PPIL1: variants seen among roughly 807,000 people sequenced by gnomAD.
PPIL1 encodes peptidyl-prolyl cis-trans isomerase-like 1.
Under a neutral mutation model 19.4 loss-of-function variants are expected in PPIL1, and 14 were observed. The ratio of observed to expected loss-of-function variants is 0.72; its 90% CI spans 0.48 to 1.13. The LOEUF is 1.13. PPIL1 is among the 50% of genes most tolerant of loss of function. The probability of loss-of-function intolerance (pLI) is 0.00; values close to 1 mark genes in which losing one functional copy is unlikely to be tolerated. For synonymous variants in PPIL1, 72 were observed against 73.6 expected (o/e 0.98, Z 0.11); for missense variants, 192 against 218.0 (o/e 0.88, Z 0.75).
At chr6:36,856,454 C>T in intron 3 of PPIL1, 132 bp downstream of exon 3, 1 of 810,060 alleles carries the variant, frequency 1.2e-6, no homozygotes, top group Non-Finnish European at 2.0e-6. Flanking sequence ...CACCAGGGCA[C>T]TTCATGGCGC....
intron 2 of PPIL1, among the ~76,000 whole-genome samples, chr6:36,860,069 C>T (rs1583108027): frequency 6.6e-6 from 1 of 152,122 alleles, no homozygotes; most frequent in African/African-American, 2.4e-5. Context: ...TCATGATCTG[C>T]CAGGCTCGGC....
chr6:36,869,828 C>A (rs918467987), intron 2 of PPIL1, among the ~76,000 whole-genome samples: 2 of 152,104 alleles, frequency 1.3e-5, no homozygotes, highest in African/African-American at 4.8e-5. Flanking sequence ...ATATTCTGTT[C>A]TATATATATG....
At chr6:36,863,378 C>T (rs796905315) in intron 2 of PPIL1, among the ~76,000 whole-genome samples, 3 of 152,172 alleles carry the variant, frequency 2.0e-5, no homozygotes, top group African/African-American at 7.2e-5. Context: ...TCCCTTCCTA[C>T]ACCTCTACCC....
chr6:36,859,394 C>T (rs1425198817), intron 2 of PPIL1, among the ~76,000 whole-genome samples: 2 of 133,552 alleles, frequency 1.5e-5, no homozygotes, highest in African/African-American at 2.8e-5. Context: ...CACTGCACTG[C>T]AGCCCAGGCA....
chr6:36,863,749 G>T (rs13220210), intron 2 of PPIL1, among the ~76,000 whole-genome samples: 19,609 of 151,738 alleles, frequency 0.13, 1,416 homozygotes, highest in East Asian at 0.27. Flanking sequence ...TGTCAAGGTC[G>T]CCAGTGACCT....
At position 36,871,916 on chromosome 6, in the gene PPIL1, G is replaced by A. The variant is rs181223547; in HGVS notation, c.57-44C>T. ...ACAGCTCCAGTAAACAAAAAGGTCA[G>A]GGCAGACAGGAGTATTATGGAACTG... On this transcript the variant is annotated intron_variant, in intron 1 of 3. Coordinates refer to ENST00000373699, the MANE Select transcript of PPIL1 (RefSeq NM_016059.5). The A allele has an allele frequency of 4.0e-6, 6 of 1,505,270 alleles. No individual in the cohort carries two copies. The African/African-American group carries it at 8.7e-5, about 22-fold the overall frequency. The allele number at this position is 1,505,270 out of a possible 1,614,324, so 93.2% of individuals were successfully genotyped here.
rs1321974891 is a variant in PPIL1, at chr6:36,871,871, T to C, written c.58A>G (p.Met20Val). 1.9e-6 allele frequency: 3 copies of C among 1,580,902 alleles called. No homozygotes were observed. The highest frequency in any genetic ancestry group is 2.6e-6 in the Non-Finnish European group (3 of 1,168,532). ...TACAGCTCCAGCACAATGATTCCCA[T>C]GCTGCAGAGGGAGAGGACAACAGCT... Reference protein sequence around the residue: ...QPPNVYLETSMGIIVLELYWK... With the variant: ...QPPNVYLETSVGIIVLELYWK... Residue 20 changes from methionine (M) to valine (V), a missense_variant and splice_region_variant, in exon 2 of 4, where the codon ATG (methionine) becomes GTG (valine). Transcript: ENST00000373699.
intron 2 of PPIL1, 125 bp downstream of exon 2, chr6:36,871,593 G>C: frequency 8.3e-7 from 1 of 1,203,854 alleles, no homozygotes; most frequent in Non-Finnish European, 1.2e-6. Context: ...AAGTGGAAAA[G>C]AGAGCTCTGG....
At chr6:36,872,163 T>C (rs1774524550) in intron 1 of PPIL1, among the ~76,000 whole-genome samples, 2 of 151,996 alleles carry the variant, frequency 1.3e-5, no homozygotes, top group African/African-American at 4.8e-5. Context: ...TATATATATA[T>C]AGCTATATCT....
At chr6:36,856,975 A>G (rs563590438) in intron 2 of PPIL1, among the ~76,000 whole-genome samples, 1 of 152,350 alleles carries the variant, frequency 6.6e-6, no homozygotes, top group South Asian at 2.1e-4. Context: ...TAACCTGACC[A>G]TCTAGAGATA....
chr6:36,857,373 C>A (rs1258792634), intron 2 of PPIL1, among the ~76,000 whole-genome samples: 1 of 152,176 alleles, frequency 6.6e-6, no homozygotes, highest in African/African-American at 2.4e-5. Flanking sequence ...GAAAACAGGG[C>A]CAGGTGTGGT....
At chr6:36,868,951 T>C (rs1237278898) in intron 2 of PPIL1, among the ~76,000 whole-genome samples, 1 of 152,092 alleles carries the variant, frequency 6.6e-6, no homozygotes, top group African/African-American at 2.4e-5. Context: ...CCAGTTATGG[T>C]CTTTTTTTCT....
intron 2 of PPIL1, among the ~76,000 whole-genome samples, chr6:36,862,467 A>T (rs1312911347): frequency 1.3e-5 from 2 of 152,244 alleles, no homozygotes; most frequent in Non-Finnish European, 2.9e-5. Flanking sequence ...TGATACAAAC[A>T]GAAGTCGCTG....
chr6:36,859,401 G>A (rs1476798565), intron 2 of PPIL1, among the ~76,000 whole-genome samples: 1 of 140,260 alleles, frequency 7.1e-6, no homozygotes, highest in Admixed American at 7.6e-5. Flanking sequence ...CTGCAGCCCA[G>A]GCAACAGAGT....
intron 2 of PPIL1, among the ~76,000 whole-genome samples, chr6:36,870,139 T>C (rs756146234): frequency 5.5e-5 from 8 of 145,562 alleles, no homozygotes; most frequent in Non-Finnish European, 9.0e-5. Flanking sequence ...CTTCTGACCA[T>C]AGATGATAAA....
At position 36,855,757 on chromosome 6, in the gene PPIL1, C is replaced by G; in HGVS notation, c.*56G>C. The G allele has an allele frequency of 1.3e-6, 2 of 1,555,564 alleles. No individual in the cohort carries two copies. Among genetic ancestry groups the G allele is most frequent in the Admixed American group, 1.7e-5 (1 of 59,786 alleles). On this transcript the variant is annotated 3_prime_UTR_variant, in exon 4 of 4. Transcript: ENST00000373699. ...AGCATTACATGTCATTCTATGTCAT[C>G]TAGAAGCTGGTTCACTGGGGCCATC...
In PPIL1 at chr6:36,874,036, A is replaced by G. The variant is rs533850447; in HGVS notation, c.56+681T>C. Among the ~76,000 whole-genome samples, 67 of 152,360 alleles carry G rather than the reference A, an allele frequency of 4.4e-4. 2 individuals carry two copies. The South Asian group carries it at 0.013, about 31-fold the overall frequency. On this transcript the variant is annotated intron_variant, in intron 1 of 3. Transcript: ENST00000373699. ...CTAAAGGATCTAGCAAGGTGAGACG[A>G]GCACACCAGGCTCCAAACGAGGTTC...
chr6:36,861,566 G>T (rs1051116700), intron 2 of PPIL1, among the ~76,000 whole-genome samples: 1 of 151,924 alleles, frequency 6.6e-6, no homozygotes, highest in African/African-American at 2.4e-5. Flanking sequence ...CTCTGTCAGT[G>T]AATGTTTTGC....
chr6:36,871,972 G>T, intron 1 of PPIL1, 100 bp from the exon 2 acceptor site: 2 of 1,138,330 alleles, frequency 1.8e-6, no homozygotes, highest in Non-Finnish European at 2.3e-6. Flanking sequence ...AAGCTTGTAA[G>T]TCATGAAATT....
Sources: allele counts gnomAD v4.1 joint callset (sites outside exome capture counted in the v4.1 genomes callset), GRCh38; gene constraint gnomAD v4.1.1; transcripts MANE v1.5; gene names NCBI Gene and HGNC (gene_info 2026-07-23, HGNC 2026-07-21).